NUP35: variants seen among roughly 807,000 people sequenced by gnomAD.
NUP35 encodes the protein nucleoporin 35.
In NUP35, 25 loss-of-function variants were observed where a neutral mutation model predicts 41.5. The ratio of observed to expected loss-of-function variants is 0.60; its 90% CI spans 0.44 to 0.84. The LOEUF is 0.84. Ranked by LOEUF, NUP35 falls within the 40% of genes least tolerant of loss-of-function variation. The pLI is 0.00. For missense variants in NUP35, 396 were observed against 396.6 expected (o/e 1.00, Z 0.01); for synonymous variants, 149 against 130.7 (o/e 1.14, Z -0.96).
intron 6 of NUP35, 76 bp from the exon 7 acceptor site, chr2:183,158,207 C>A: frequency 3.7e-6 from 4 of 1,082,722 alleles, no homozygotes; most frequent in Non-Finnish European, 5.0e-6. Flanking sequence ...TTACCATGTT[C>A]CTATTTTCTA....
intron 4 of NUP35, among the ~76,000 whole-genome samples, chr2:183,151,084 G>A (rs1320864268): frequency 6.6e-6 from 1 of 152,180 alleles, no homozygotes; most frequent in Non-Finnish European, 1.5e-5. Context: ...GAAAAGTAAG[G>A]TTGCAACTGT....
chr2:183,134,085 T>G (rs1357389477), intron 4 of NUP35, among the ~76,000 whole-genome samples: 2 of 152,246 alleles, frequency 1.3e-5, no homozygotes, highest in Non-Finnish European at 2.9e-5. Context: ...TAAATCTAAA[T>G]GCCGTTGAAT....
chr2:183,151,884 G>C (rs1685479293), intron 5 of NUP35, among the ~76,000 whole-genome samples: 1 of 152,064 alleles, frequency 6.6e-6, no homozygotes, highest in African/African-American at 2.4e-5. Flanking sequence ...ATATTACCCT[G>C]ACACTTGAGC....
intron 4 of NUP35, among the ~76,000 whole-genome samples, chr2:183,150,860 A>G (rs1236223197): frequency 6.6e-6 from 1 of 152,220 alleles, no homozygotes. Context: ...CTTCTCTCAA[A>G]TGTATAGCCT....
chr2:183,138,261 A>ATTT (rs1378064730), intron 4 of NUP35, among the ~76,000 whole-genome samples: 3 of 52,010 alleles, frequency 5.8e-5, no homozygotes, highest in African/African-American at 1.9e-4. Flanking sequence ...ATATATATAT[A>ATTT]TATATATATT....
chr2:183,124,774 A>T (rs1264104358), intron 1 of NUP35, among the ~76,000 whole-genome samples: 6 of 152,168 alleles, frequency 3.9e-5, no homozygotes, highest in African/African-American at 1.4e-4. Flanking sequence ...CACGCCAGCC[A>T]CGTTAGACTG....
At chr2:183,133,342 A>G (rs1235660886) in intron 3 of NUP35, among the ~76,000 whole-genome samples, 3 of 148,702 alleles carry the variant, frequency 2.0e-5, no homozygotes, top group African/African-American at 4.9e-5. Context: ...TTTTTTTAAC[A>G]TAATATGACT....
At chr2:183,149,244 A>C (rs1471995368) in intron 4 of NUP35, among the ~76,000 whole-genome samples, 2 of 152,236 alleles carry the variant, frequency 1.3e-5, no homozygotes, top group Admixed American at 1.3e-4. Context: ...ACTCTTAAAA[A>C]TTAAAGAGCT....
chr2:183,152,960 T>C (rs751185216), intron 5 of NUP35, among the ~76,000 whole-genome samples: 2 of 152,188 alleles, frequency 1.3e-5, no homozygotes, highest in Non-Finnish European at 2.9e-5. Flanking sequence ...AGAGGTTTAA[T>C]TGGACTTAGG....
upstream of NUP35, among the ~76,000 whole-genome samples, chr2:183,119,503 A>G (rs1040969935): frequency 6.6e-6 from 1 of 152,160 alleles, no homozygotes; most frequent in Non-Finnish European, 1.5e-5. Flanking sequence ...GCTACTTGAA[A>G]GAAACACAAG....
intron 5 of NUP35, among the ~76,000 whole-genome samples, chr2:183,153,592 A>G (rs1685543212): frequency 6.6e-6 from 1 of 152,218 alleles, no homozygotes; most frequent in Non-Finnish European, 1.5e-5. Context: ...CTGGTCTCAC[A>G]TCCAGGTCAC....
intron 2 of NUP35, among the ~76,000 whole-genome samples, chr2:183,128,923 G>A (rs1326923372): frequency 6.6e-6 from 1 of 152,054 alleles, no homozygotes; most frequent in Non-Finnish European, 1.5e-5. Context: ...CCTTTGAATT[G>A]GCTTTTAAGT....
chr2:183,159,795 G>T, intron 8 of NUP35, 143 bp downstream of exon 8: 3 of 569,956 alleles, frequency 5.3e-6, no homozygotes, highest in East Asian at 3.3e-5. Flanking sequence ...CGCTTTAAAA[G>T]TTTTCTGCTT....
chr2:183,153,512 G>GC (rs1226850535), intron 5 of NUP35, among the ~76,000 whole-genome samples: 1 of 152,094 alleles, frequency 6.6e-6, no homozygotes, highest in Admixed American at 6.5e-5. Flanking sequence ...GGGGTTATAG[G>GC]CCCCATGCAA....
upstream of NUP35, chr2:183,124,365 A>G: frequency 1.9e-6 from 3 of 1,611,174 alleles, no homozygotes; most frequent in Non-Finnish European, 2.5e-6. Context: ...ACGCAACCCC[A>G]TAAGGTAGCA....
chr2:183,147,253 A>G (rs1417152955), intron 4 of NUP35, among the ~76,000 whole-genome samples: 2 of 152,134 alleles, frequency 1.3e-5, no homozygotes, highest in Non-Finnish European at 2.9e-5. Context: ...TGCTTTTGCG[A>G]TATGAGTTGT....
chr2:183,158,560 G>A, intron 7 of NUP35, 149 bp downstream of exon 7: 1 of 596,382 alleles, frequency 1.7e-6, no homozygotes, highest in South Asian at 4.3e-5. Context: ...ACTCTTTGTG[G>A]TAAGCCGAAG....
intron 5 of NUP35, among the ~76,000 whole-genome samples, chr2:183,153,868 AG>A (rs1384324862): frequency 1.3e-5 from 2 of 152,138 alleles, no homozygotes; most frequent in Non-Finnish European, 2.9e-5. Flanking sequence ...GCCCTAGCGG[AG>A]GTTCTCCATG....
intron 4 of NUP35, among the ~76,000 whole-genome samples, chr2:183,134,790 T>A (rs1225024046): frequency 2.6e-5 from 4 of 151,562 alleles, no homozygotes; most frequent in Non-Finnish European, 4.4e-5. Flanking sequence ...TAATTTTTTT[T>A]TTTTTTTGTA....
Sources: allele counts gnomAD v4.1 joint callset (sites outside exome capture counted in the v4.1 genomes callset), GRCh38; gene constraint gnomAD v4.1.1; transcripts MANE v1.5; gene names NCBI Gene and HGNC (gene_info 2026-07-23, HGNC 2026-07-21).